The following ZNF554 variants were observed in gnomAD, a reference collection of about 807,000 sequenced individuals.
ZNF554 encodes the protein zinc finger protein 554.
In ZNF554, 15 loss-of-function variants were observed where a neutral mutation model predicts 21.2. The ratio of observed to expected loss-of-function variants is 0.71; its 90% confidence interval spans 0.47 to 1.09. The LOEUF is 1.09. Among genes scored for constraint, ZNF554 ranks in the 50% least tolerant of loss-of-function variants. The pLI, the probability that ZNF554 is intolerant of heterozygous loss-of-function variation, is 0.00. For missense variants in ZNF554, 691 were observed against 662.7 expected, an observed-to-expected ratio of 1.04 and a Z score of -0.47; for synonymous variants, 258 against 251.4, an observed-to-expected ratio of 1.03 and a Z score of -0.25.
intron 3 of ZNF554, chr19:2,831,995 G>A (rs2087426611): frequency 1.1e-5 from 2 of 183,624 alleles, no homozygotes; most frequent in Admixed American, 5.9e-5. Context: ...CCACGACCTC[G>A]GCTCACTGCA....
intron 4 of ZNF554, 60 bp downstream of exon 4, chr19:2,832,554 C>T: frequency 1.3e-6 from 2 of 1,501,516 alleles, no homozygotes; most frequent in African/African-American, 1.4e-5. Context: ...AAACATTGGT[C>T]AGAGAGCTCT....
chr19:2,832,823 T>G (rs1223868519), intron 4 of ZNF554, among the ~76,000 whole-genome samples: 1 of 152,188 alleles, frequency 6.6e-6, no homozygotes, highest in Non-Finnish European at 1.5e-5. Flanking sequence ...TCCTCCTGCC[T>G]CAGTCTCCTG....
rs1374049790 is a variant in ZNF554, at chr19:2,821,742, C to T, written c.54-1298C>T. The stretch of plus-strand genomic sequence containing the variant: ...AGTGCAGTGGCACGATCTCGGCTCA[C>T]TGCAATCTCTACCCCACAGGATCAA... On this transcript the variant is annotated intron_variant, in intron 1 of 4. Transcript: ENST00000317243. The surrounding 1 kb of genome is among the most constrained non-coding windows in gnomAD (Gnocchi z 8.2). Among the ~76,000 whole-genome samples the T allele has an allele frequency of 6.6e-6, 1 of 152,126 alleles. No individual in the cohort carries two copies. The highest frequency in any genetic ancestry group is 1.5e-5 in the Non-Finnish European group (1 of 68,048).
In ZNF554 at chr19:2,823,102, G is replaced by A. The variant is rs181024964; in HGVS notation, c.116G>A (p.Arg39His). Residue 39 changes from arginine to histidine, a missense_variant, in exon 2 of 5, where the codon CGC (arginine) becomes CAC (histidine). Transcript: ENST00000317243. ...AGAATGGCTGCTGGGTACCTGCCCC[G>A]CTGGTCCCAGGTGAGATGTCCTCAT... ...EERMAAGYLP[R>H]WSQELVTFED... The A allele has an allele frequency of 2.4e-4, 386 of 1,612,856 alleles. No homozygotes were observed. In the African/African-American group the frequency reaches 3.2e-3, roughly 13 times the overall value.
chr19:2,823,774 G>A (rs946485726), intron 2 of ZNF554, among the ~76,000 whole-genome samples: 33 of 152,040 alleles, frequency 2.2e-4, no homozygotes, highest in African/African-American at 7.0e-4. Flanking sequence ...TTGTCCTCTG[G>A]CCGTCCTCTG....
intron 1 of ZNF554, 39 bp downstream of exon 1, chr19:2,820,163 G>C (rs2087243383): frequency 8.2e-7 from 1 of 1,217,000 alleles, no homozygotes. Context: ...CCTCCGTGCC[G>C]GGCCTGCCGG....
Position 2,827,647 on chromosome 19 carries a change from G to C in ZNF554, c.157G>C (p.Asp53His). ...ELVTFEDVSM[D>H]FSQEEWELLE... ...AGTAACCTTTGAGGACGTGTCCATGGACTTCTCCCAGGAGGAGTGGGAGTT... is the reference window on the plus strand; with the variant it reads ...AGTAACCTTTGAGGACGTGTCCATGCACTTCTCCCAGGAGGAGTGGGAGTT... The change falls in exon 3 of 5, where the codon GAC (aspartate) becomes CAC (histidine). Residue 53 changes from aspartate (D) to histidine (H), a missense_variant. Asp to His is a moderately conservative substitution (Grantham distance 81, BLOSUM62 -1). Transcript: ENST00000317243. 1 of 1,613,776 alleles carries C rather than the reference G, an allele frequency of 6.2e-7. No individual in the cohort carries two copies. Among genetic ancestry groups the C allele is most frequent in the Non-Finnish European group, 8.5e-7 (1 of 1,179,868 alleles).
intron 2 of ZNF554, among the ~76,000 whole-genome samples, chr19:2,825,569 G>A (rs867848224): frequency 1.3e-5 from 2 of 152,202 alleles, no homozygotes; most frequent in Non-Finnish European, 2.9e-5. Context: ...TGGGATTATA[G>A]GCACATCCTG....
rs1195394528 is a variant in ZNF554, at chr19:2,821,577, G to C, written c.53+1453G>C. On this transcript the variant is annotated intron_variant, in intron 1 of 4. Transcript: ENST00000317243. The surrounding 1 kb of genome is among the most constrained non-coding windows in gnomAD (Gnocchi z 8.2). ...CAGCTTCTGGGGGTGGCCTGCCATA[G>C]TTGGTGTCCCTTGGCTTGGGGCCAC... Among the ~76,000 whole-genome samples the C allele has an allele frequency of 6.6e-6, 1 of 151,992 alleles. No homozygotes were observed. The highest frequency in any genetic ancestry group is 1.5e-5 in the Non-Finnish European group (1 of 68,040).
rs776382417 is a variant in ZNF554, at chr19:2,827,704, G to C, written c.214G>C (p.Glu72Gln). 11 of 1,614,096 alleles carry C rather than the reference G, an allele frequency of 6.8e-6. No individual in the cohort carries two copies. The South Asian group carries it at 1.1e-4, about 16-fold the overall frequency. The change falls in exon 3 of 5, where the codon GAG becomes CAG. Residue 72 changes from glutamate to glutamine, a missense_variant. Transcript: ENST00000317243. ...LEPAQKNLYR[E>Q]VMLENYRNVV... ...GCCTGCTCAGAAGAACCTGTACAGA[G>C]AGGTGATGCTGGAGAACTACAGGAA... is the stretch of plus-strand genomic sequence containing the variant.
chr19:2,820,201 G>A (rs2087243983), intron 1 of ZNF554, 77 bp downstream of exon 1: 2 of 1,177,978 alleles, frequency 1.7e-6, no homozygotes, highest in Non-Finnish European at 2.1e-6. Flanking sequence ...GTCTGGCGGG[G>A]CCGGGTGGCC....
intron 1 of ZNF554, 113 bp from the exon 2 acceptor site, chr19:2,822,927 C>T: frequency 9.9e-7 from 1 of 1,006,900 alleles, no homozygotes; most frequent in Non-Finnish European, 1.5e-6. Flanking sequence ...AGTTTACCTC[C>T]CTCTGTGTAT....
At chr19:2,826,786 C>T (rs567005347) in intron 2 of ZNF554, among the ~76,000 whole-genome samples, 3 of 151,644 alleles carry the variant, frequency 2.0e-5, no homozygotes, top group Non-Finnish European at 2.9e-5. Context: ...CTCAGCCTCC[C>T]GAGTAGCTAG....
At chr19:2,825,737 G>T (rs576945723) in intron 2 of ZNF554, among the ~76,000 whole-genome samples, 349 of 149,290 alleles carry the variant, frequency 2.3e-3, no homozygotes, top group African/African-American at 7.9e-3. Context: ...GGAAGAGTTT[G>T]TTTTTTTTTT....
chr19:2,833,890 T>C lies in ZNF554; in HGVS notation c.655T>C (p.Trp219Arg), dbSNP rs2087455470. The change falls in exon 5 of 5, where the codon TGG becomes CGG. Residue 219 changes from tryptophan (W) to arginine (R), a missense_variant. By Grantham distance (101) the Trp-to-Arg change is moderately radical. Transcript: ENST00000317243. ...CGTTCCTCAGGAGAAGGCTACTGCA[T>C]GGCATGGATTTGGGGAAAATGGTAA... ...VAVPQEKATA[W>R]HGFGENGNLS... The C allele has an allele frequency of 1.2e-6, 2 of 1,613,746 alleles. No homozygotes were observed. The highest frequency in any genetic ancestry group is 1.1e-5 in the South Asian group (1 of 91,076).
intron 3 of ZNF554, among the ~76,000 whole-genome samples, chr19:2,828,640 A>T (rs947027282): frequency 6.0e-5 from 9 of 150,472 alleles, no homozygotes; most frequent in African/African-American, 2.2e-4. Context: ...GCACCACTGC[A>T]CTCCAGCCTG....
chr19:2,827,738 C>T lies in ZNF554; in HGVS notation c.248C>T (p.Ser83Phe), dbSNP rs2087355159. ...VMLENYRNVV[S>F]LEALKNQCTD... ...CTGGAGAACTACAGGAACGTGGTCT[C>T]CCTGGGTAAGGCAAGCATCACTAAT... Residue 83 changes from serine to phenylalanine, a missense_variant, in exon 3 of 5, where the codon TCC becomes TTC. Coordinates refer to ENST00000317243, the MANE Select transcript of ZNF554 (RefSeq NM_001102651.2). 6.2e-7 allele frequency: 1 copy of T among 1,613,882 alleles called. No individual in the cohort carries two copies. Among genetic ancestry groups the T allele is most frequent in the Non-Finnish European group, 8.5e-7 (1 of 1,179,916 alleles).
chr19:2,833,596 G>C, intron 4 of ZNF554, 85 bp from the exon 5 acceptor site: 1 of 1,152,638 alleles, frequency 8.7e-7, no homozygotes, highest in South Asian at 1.6e-5. Context: ...AGGCCTTGTA[G>C]ATGTCAGAAG....
intron 3 of ZNF554, chr19:2,830,855 C>T (rs1389947446): frequency 6.6e-6 from 1 of 152,262 alleles, no homozygotes; most frequent in Admixed American, 6.5e-5. Context: ...CCTCCACCTC[C>T]CAGGTTCAAG....
Sources: gnomAD v4.1 joint callset for allele counts (sites outside exome capture counted in the v4.1 genomes callset) on GRCh38, gnomAD v4.1.1 for gene constraint, Gnocchi (gnomAD v3.1) non-coding constraint, MANE v1.5 for transcripts, NCBI Gene and HGNC (gene_info 2026-07-23, HGNC 2026-07-21) for gene names.